Variants in PLCE1 observed in about 807,000 individuals in gnomAD.
PLCE1 encodes the protein 1-phosphatidylinositol 4,5-bisphosphate phosphodiesterase epsilon-1.
PLCE1 carries 119 observed loss-of-function variants against 242.8 expected under a neutral mutation model. The observed-to-expected ratio is 0.49, with a 90% CI of 0.42 to 0.57. The LOEUF is 0.57. Among genes scored for constraint, PLCE1 ranks in the 20% least tolerant of loss-of-function variants. The pLI, the probability that PLCE1 is intolerant of heterozygous loss-of-function variation, is 0.00. For synonymous variants in PLCE1, 945 were observed against 1,017.4 expected (o/e 0.93, Z 1.35); for missense variants, 2,441 against 2,788.8 (o/e 0.88, Z 2.81).
intron 22 of PLCE1, among the ~76,000 whole-genome samples, chr10:94,292,833 A>T (rs2052686561): frequency 6.6e-6 from 1 of 152,162 alleles, no homozygotes; most frequent in South Asian, 2.1e-4. Flanking sequence ...CACTCTTTTT[A>T]CATTGGAGCC....
At chr10:94,208,026 A>G (rs142304021) in intron 4 of PLCE1, among the ~76,000 whole-genome samples, 108 of 152,372 alleles carry the variant, frequency 7.1e-4, no homozygotes, top group African/African-American at 1.2e-3. Flanking sequence ...GGTAGCTGTC[A>G]TAGAGGTGAC....
At chr10:94,136,312 T>A (rs1292134094) in intron 3 of PLCE1, among the ~76,000 whole-genome samples, 4 of 152,224 alleles carry the variant, frequency 2.6e-5, no homozygotes, top group East Asian at 3.8e-4. Flanking sequence ...TGGAGCTTAC[T>A]GGTGGTGATA....
chr10:94,041,801 T>C (rs890291700), intron 2 of PLCE1, among the ~76,000 whole-genome samples: 2 of 152,094 alleles, frequency 1.3e-5, no homozygotes, highest in Non-Finnish European at 2.9e-5. Context: ...TCCTGGGGTT[T>C]GGAAGGTGTT....
intron 3 of PLCE1, among the ~76,000 whole-genome samples, chr10:94,143,179 C>G (rs911752806): frequency 6.6e-6 from 1 of 152,132 alleles, no homozygotes; most frequent in African/African-American, 2.4e-5. Flanking sequence ...AAAACAAGCC[C>G]TGACCCATAT....
chr10:94,234,849 G>A (rs1429498081), intron 6 of PLCE1, among the ~76,000 whole-genome samples: 2 of 152,152 alleles, frequency 1.3e-5, no homozygotes, highest in African/African-American at 2.4e-5. Flanking sequence ...AAGGGACAGT[G>A]TGAGCTTTGA....
At chr10:94,268,804 A>G (rs2051605446) in intron 16 of PLCE1, 125 bp from the exon 17 acceptor site, 2 of 694,508 alleles carry the variant, frequency 2.9e-6, no homozygotes, top group South Asian at 1.5e-5. Context: ...GTTTTAGACC[A>G]TTTGCCCTTC....
intron 19 of PLCE1, 130 bp downstream of exon 19, chr10:94,273,850 A>G (rs1014312236): frequency 4.6e-6 from 4 of 878,036 alleles, no homozygotes; most frequent in South Asian, 2.8e-5. Context: ...TTAAATGATA[A>G]GTTTGATTTT....
intron 3 of PLCE1, among the ~76,000 whole-genome samples, chr10:94,166,582 GT>G (rs2047812071): frequency 2.6e-4 from 2 of 7,832 alleles, no homozygotes; most frequent in Non-Finnish European, 5.4e-3. Flanking sequence ...GAAAAAAGGT[GT>G]GTGTGTGTGT....
chr10:94,223,553 A>T (rs4477375), intron 4 of PLCE1, among the ~76,000 whole-genome samples: 1 of 151,962 alleles, frequency 6.6e-6, no homozygotes, highest in Non-Finnish European at 1.5e-5. Flanking sequence ...AAACTGTTCT[A>T]TTTGGCTAAG....
In PLCE1 at chr10:94,304,466, GTTGT is replaced by G. The variant is rs1293886262; in HGVS notation, c.5459-9_5459-6del. 3.1e-6 allele frequency: 5 copies of G among 1,612,890 alleles called. No homozygotes were observed. Among genetic ancestry groups the G allele is most frequent in the Non-Finnish European group, 4.2e-6 (5 of 1,178,990 alleles). On this transcript the variant is annotated splice_polypyrimidine_tract_variant and intron_variant, in intron 24 of 32. Coordinates refer to ENST00000371380, the MANE Select transcript of PLCE1 (RefSeq NM_016341.4). Reference sequence around the variant, plus strand: ...GTAACAAGCTATATTGGCTTTCTTTGTTGTTTGTTTTACAGATCTCCCTTTACAT... The same window carrying G: ...GTAACAAGCTATATTGGCTTTCTTTGTTGTTTTACAGATCTCCCTTTACAT...
intron 2 of PLCE1, among the ~76,000 whole-genome samples, chr10:94,081,082 ATAT>A (rs573189474): frequency 3.7e-4 from 56 of 152,294 alleles, no homozygotes; most frequent in African/African-American, 1.3e-3. Flanking sequence ...GTTTTTTTAA[ATAT>A]TTAACTGATT....
chr10:94,041,765 G>A (rs376013287), intron 2 of PLCE1, among the ~76,000 whole-genome samples: 7 of 152,230 alleles, frequency 4.6e-5, no homozygotes, highest in South Asian at 2.1e-4. Flanking sequence ...GCATGCTGTC[G>A]TTGTAAGTTG....
chr10:94,083,947 G>A (rs996488386), intron 2 of PLCE1, among the ~76,000 whole-genome samples: 5 of 152,146 alleles, frequency 3.3e-5, no homozygotes, highest in African/African-American at 7.2e-5. Context: ...CAGTGGACAC[G>A]GTTCAAGTCC....
At chr10:94,274,083 G>A (rs1382368742) in intron 19 of PLCE1, among the ~76,000 whole-genome samples, 1 of 152,134 alleles carries the variant, frequency 6.6e-6, no homozygotes, top group East Asian at 1.9e-4. Flanking sequence ...CCTTGGCATG[G>A]GGCCTGTAGT....
intron 4 of PLCE1, among the ~76,000 whole-genome samples, chr10:94,223,258 T>C (rs2049823377): frequency 1.0e-5 from 1 of 99,386 alleles, no homozygotes; most frequent in Non-Finnish European, 2.0e-5. Context: ...AAAAATTGAA[T>C]CTGGGGTGAT....
At chr10:94,262,782 C>G (rs769524313) in intron 14 of PLCE1, 50 bp downstream of exon 14, 9 of 1,171,380 alleles carry the variant, frequency 7.7e-6, no homozygotes, top group African/African-American at 3.0e-5. Flanking sequence ...TCTGGCTATT[C>G]TAATAATTTG....
chr10:94,312,398 T>A (rs1307765926), intron 27 of PLCE1, among the ~76,000 whole-genome samples: 1 of 152,230 alleles, frequency 6.6e-6, no homozygotes, highest in Non-Finnish European at 1.5e-5. Flanking sequence ...TCCAACAGGT[T>A]AGTTGTAGAA....
chr10:94,292,418 A>G (rs1181907557), intron 22 of PLCE1, among the ~76,000 whole-genome samples: 1 of 152,260 alleles, frequency 6.6e-6, no homozygotes, highest in Non-Finnish European at 1.5e-5. Context: ...CCAGGTGAGT[A>G]TGATACAAAT....
chr10:94,262,001 C>CCT (rs2051315429), intron 13 of PLCE1, among the ~76,000 whole-genome samples: 1 of 135,260 alleles, frequency 7.4e-6, no homozygotes, highest in South Asian at 2.4e-4. Context: ...TCTTCTTTTC[C>CCT]TTTTTTTTTT....
Sources: gnomAD v4.1 joint callset for allele counts (sites outside exome capture counted in the v4.1 genomes callset) on GRCh38, gnomAD v4.1.1 for gene constraint, MANE v1.5 for transcripts, NCBI Gene and HGNC (gene_info 2026-07-23, HGNC 2026-07-21) for gene names.